The following SOAT1 variants were observed in gnomAD, a reference collection of about 807,000 sequenced individuals.
The protein encoded by SOAT1 is acyl-coenzyme A:cholesterol acyltransferase 1.
A neutral mutation model predicts 69.5 loss-of-function variants in SOAT1; 55 were observed. The ratio of observed to expected loss-of-function variants is 0.79; its 90% CI spans 0.64 to 0.99. The LOEUF is 0.99. Among genes scored for constraint, SOAT1 ranks in the 50% least tolerant of loss-of-function variants. The pLI is 0.00. For missense variants in SOAT1, 580 were observed against 669.3 expected (o/e 0.87, Z 1.47); for synonymous variants, 231 against 224.7 (o/e 1.03, Z -0.25).
intron 10 of SOAT1, 92 bp downstream of exon 10, chr1:179,343,727 G>T: frequency 1.1e-6 from 1 of 884,230 alleles, no homozygotes; most frequent in Non-Finnish European, 1.8e-6. Context: ...CTAATTGGGA[G>T]CTAAGAATGC....
At chr1:179,301,499 T>G (rs899607502) in intron 1 of SOAT1, among the ~76,000 whole-genome samples, 1 of 152,158 alleles carries the variant, frequency 6.6e-6, no homozygotes, top group Non-Finnish European at 1.5e-5. Flanking sequence ...GTTAGCTGTG[T>G]GGTCTTGGGC....
chr1:179,336,053 A>G (rs979128687), intron 4 of SOAT1, among the ~76,000 whole-genome samples: 4 of 151,554 alleles, frequency 2.6e-5, no homozygotes, highest in Admixed American at 2.6e-4. Flanking sequence ...AATTGCTGCT[A>G]CTCAGGAGGC....
chr1:179,350,233 A>G lies in SOAT1; in HGVS notation c.1315-63A>G, dbSNP rs1298667430. ...CCTTTGGCATATAATTTTACATCCT[A>G]TATAATCCATGCTTGCTTTAAATTT... On this transcript the variant is annotated intron_variant, in intron 13 of 15. Coordinates refer to ENST00000367619, the MANE Select transcript of SOAT1 (RefSeq NM_003101.6). 1.8e-5 allele frequency: 26 copies of G among 1,408,276 alleles called. No individual in the cohort carries two copies. The South Asian group carries it at 1.9e-4, about 10-fold the overall frequency. 87.2% of individuals were successfully genotyped at this position (1,408,276 alleles called of 1,614,324 possible). A position where few individuals can be genotyped will look rare whatever the true frequency, so the allele number is the denominator to read the frequency against.
chr1:179,308,802 T>TCCTC (rs58180271), intron 2 of SOAT1, among the ~76,000 whole-genome samples: 75,005 of 151,574 alleles, frequency 0.49, 19,512 homozygotes, highest in East Asian at 0.84. Context: ...AAGTAATACT[T>TCCTC]CCTCAAGTAA....
intron 2 of SOAT1, among the ~76,000 whole-genome samples, chr1:179,319,766 A>G (rs1346800835): frequency 6.6e-6 from 1 of 151,986 alleles, no homozygotes; most frequent in African/African-American, 2.4e-5. Flanking sequence ...ACAAGTGCGC[A>G]TCCCACGCCC....
At chr1:179,343,128 T>C (rs561749951) in intron 9 of SOAT1, among the ~76,000 whole-genome samples, 185 bp downstream of exon 9, 18 of 152,306 alleles carry the variant, frequency 1.2e-4, no homozygotes, top group Admixed American at 1.0e-3. Context: ...TAGTAATTCT[T>C]GACAGAATTA....
chr1:179,323,625 C>G, intron 3 of SOAT1, 130 bp downstream of exon 3: 1 of 745,076 alleles, frequency 1.3e-6, no homozygotes, highest in Non-Finnish European at 2.2e-6. Flanking sequence ...TCCTGTGGAA[C>G]AAGAAAATAA....
chr1:179,335,319 T>G (rs1166030845), intron 3 of SOAT1, among the ~76,000 whole-genome samples, 187 bp from the exon 4 acceptor site: 1 of 152,218 alleles, frequency 6.6e-6, no homozygotes, highest in Non-Finnish European at 1.5e-5. Context: ...ATCACTATGT[T>G]GCCTTTTAGG....
At chr1:179,352,604 T>G (rs1257421038) in intron 15 of SOAT1, among the ~76,000 whole-genome samples, 1 of 152,208 alleles carries the variant, frequency 6.6e-6, no homozygotes, top group Non-Finnish European at 1.5e-5. Context: ...CGGCATCCTG[T>G]ACTTGTATTT....
chr1:179,344,814 A>G, intron 10 of SOAT1, 133 bp from the exon 11 acceptor site: 1 of 769,980 alleles, frequency 1.3e-6, no homozygotes, highest in Non-Finnish European at 2.2e-6. Context: ...AGTCTTCTAT[A>G]CTAGTGTTAA....
intron 7 of SOAT1, 135 bp from the exon 8 acceptor site, chr1:179,341,979 T>G: frequency 1.8e-6 from 2 of 1,116,396 alleles, no homozygotes; most frequent in Non-Finnish European, 2.3e-6. Context: ...ATAATAAAGG[T>G]TTTATTTTAA....
intron 1 of SOAT1, among the ~76,000 whole-genome samples, chr1:179,295,903 C>A (rs921411814): frequency 4.0e-5 from 2 of 50,372 alleles, no homozygotes; most frequent in African/African-American, 1.4e-4. Flanking sequence ...CGGGTTCAAG[C>A]GATTCTCCGC....
chr1:179,335,305 A>G (rs1460300154), intron 3 of SOAT1, among the ~76,000 whole-genome samples: 1 of 152,210 alleles, frequency 6.6e-6, no homozygotes, highest in Admixed American at 6.5e-5. Flanking sequence ...TTAAAAGGGT[A>G]TAAATCACTA....
chr1:179,351,017 CTTTCTTTTTT>C (rs1666705816), intron 14 of SOAT1, among the ~76,000 whole-genome samples: 1 of 13,954 alleles, frequency 7.2e-5, no homozygotes, highest in African/African-American at 3.1e-4. Context: ...CTGTATATTT[CTTTCTTTTTT>C]TTTTTTTTTT....
At chr1:179,320,371 T>C (rs1341099854) in intron 2 of SOAT1, among the ~76,000 whole-genome samples, 1 of 152,200 alleles carries the variant, frequency 6.6e-6, no homozygotes, top group Non-Finnish European at 1.5e-5. Context: ...TTCTGGACTC[T>C]CAGTTCTTTT....
intron 2 of SOAT1, among the ~76,000 whole-genome samples, chr1:179,314,099 A>G (rs1038036068): frequency 3.3e-5 from 5 of 152,174 alleles, no homozygotes; most frequent in African/African-American, 1.2e-4. Context: ...TGTTTCTAGC[A>G]TTTGTTCACC....
chr1:179,336,536 T>C (rs1666164515), intron 4 of SOAT1, among the ~76,000 whole-genome samples: 1 of 150,346 alleles, frequency 6.7e-6, no homozygotes, highest in South Asian at 2.1e-4. Flanking sequence ...TGCTGAGTGC[T>C]CTACATGATG....
chr1:179,303,387 T>C (rs1432715265), intron 2 of SOAT1, among the ~76,000 whole-genome samples: 1 of 152,190 alleles, frequency 6.6e-6, no homozygotes, highest in Non-Finnish European at 1.5e-5. Flanking sequence ...GGTTTATGAT[T>C]ATGAATGATA....
chr1:179,349,522 T>C (rs1666652376), intron 13 of SOAT1, among the ~76,000 whole-genome samples: 1 of 152,028 alleles, frequency 6.6e-6, no homozygotes, highest in South Asian at 2.1e-4. Flanking sequence ...AGATGGTGTT[T>C]CTCCATGTTG....
Sources: gnomAD v4.1 joint callset for allele counts (sites outside exome capture counted in the v4.1 genomes callset) on GRCh38, gnomAD v4.1.1 for gene constraint, MANE v1.5 for transcripts, NCBI Gene and HGNC (gene_info 2026-07-23, HGNC 2026-07-21) for gene names.